The following FNDC3B variants were observed in gnomAD, a reference collection of about 807,000 sequenced individuals.
FNDC3B encodes fibronectin type III domain containing 3B, also known as fibronectin type III domain-containing protein 3B.
FNDC3B carries 12 observed loss-of-function variants against 151.5 expected under a neutral mutation model. That is an observed-to-expected ratio of 0.08 (90% confidence interval 0.05 to 0.13). FNDC3B has a LOEUF of 0.13. Among genes scored for constraint, FNDC3B ranks in the 10% least tolerant of loss-of-function variants. FNDC3B has a pLI of 1.00. For missense variants in FNDC3B, 1,214 were observed against 1,505.3 expected (o/e 0.81, Z 3.20); for synonymous variants, 528 against 549.0 (o/e 0.96, Z 0.54).
chr3:172,393,706 G>A (rs951069730), intron 25 of FNDC3B, among the ~76,000 whole-genome samples: 98 of 152,164 alleles, frequency 6.4e-4, no homozygotes, highest in Non-Finnish European at 2.9e-4. Flanking sequence ...GAAAATTCAC[G>A]AATACATGGA....
chr3:172,306,917 C>G (rs998262887), intron 9 of FNDC3B: 1 of 160,904 alleles, frequency 6.2e-6, no homozygotes, highest in African/African-American at 2.4e-5. Context: ...GGTATCTACC[C>G]TGTTTGTACT....
At chr3:172,247,850 TG>T in intron 5 of FNDC3B, 74 bp downstream of exon 5, 2 of 1,514,692 alleles carry the variant, frequency 1.3e-6, no homozygotes, top group South Asian at 1.2e-5. Context: ...GGCGGTCCTT[TG>T]TTTCTTGTGA....
At chr3:172,069,115 A>G (rs1461813810) in intron 1 of FNDC3B, among the ~76,000 whole-genome samples, 2 of 152,078 alleles carry the variant, frequency 1.3e-5, no homozygotes, top group Non-Finnish European at 2.9e-5. Context: ...AGCTTCTTGT[A>G]CTTCTGCTGC....
chr3:172,067,672 C>T (rs1560391667), intron 1 of FNDC3B, among the ~76,000 whole-genome samples: 2 of 151,110 alleles, frequency 1.3e-5, no homozygotes, highest in African/African-American at 2.4e-5. Context: ...ATCAGTGGAG[C>T]AAAATGTCAT....
At position 172,320,395 on chromosome 3, in the gene FNDC3B, A is replaced by G. The variant is rs144651080; in HGVS notation, c.1255-8557A>G. Among the ~76,000 whole-genome samples, 121 of 152,240 alleles carry G rather than the reference A, an allele frequency of 7.9e-4. 2 individuals carry two copies. Among genetic ancestry groups the G allele is most frequent in the Middle Eastern group, 3.4e-3 (1 of 294 alleles). On this transcript the variant is annotated intron_variant, in intron 11 of 25. Coordinates refer to ENST00000415807, the MANE Select transcript of FNDC3B (RefSeq NM_022763.4). ...ACTCTGACTCAAAAAAAACAAAAAA[A>G]TCTGAAAGAGAAGGAGGACAGTGGA...
At chr3:172,082,999 A>G (rs1368260563) in intron 1 of FNDC3B, among the ~76,000 whole-genome samples, 6 of 152,202 alleles carry the variant, frequency 3.9e-5, no homozygotes, top group African/African-American at 1.4e-4. Flanking sequence ...ATAAAGTACA[A>G]AGGAAACTAG....
chr3:172,306,193 A>T (rs1292853717), intron 9 of FNDC3B, among the ~76,000 whole-genome samples: 1 of 152,102 alleles, frequency 6.6e-6, no homozygotes, highest in Non-Finnish European at 1.5e-5. Flanking sequence ...TGTTATCTTT[A>T]CCTGTTGTTT....
At chr3:172,256,310 ATAT>A (rs1246770741) in intron 6 of FNDC3B, among the ~76,000 whole-genome samples, 1 of 152,136 alleles carries the variant, frequency 6.6e-6, no homozygotes, top group Non-Finnish European at 1.5e-5. Context: ...TCTCTCCAAC[ATAT>A]TATGATGGCA....
Position 172,307,456 on chromosome 3 carries a change from T to C in FNDC3B, c.1155T>C (p.Pro385=). 2 of 1,614,034 alleles carry C rather than the reference T, an allele frequency of 1.2e-6. No homozygotes were observed. Among genetic ancestry groups the C allele is most frequent in the Non-Finnish European group, 8.5e-7 (1 of 1,179,948 alleles). ...HSCAPECPFP[P]KLAHRSKSSL... is the part of the protein sequence containing the mutation. ...GTGCACCCGAGTGTCCTTTCCCCCC[T>C]AAGCTGGCACATAGGAGCAAAAGTT... is the stretch of plus-strand genomic sequence containing the variant. The change falls in exon 10 of 26, where the codon CCT becomes CCC. Residue 385 remains proline (P), a synonymous_variant. Coordinates refer to ENST00000415807, the MANE Select transcript of FNDC3B (RefSeq NM_022763.4).
intron 3 of FNDC3B, chr3:172,186,884 C>T (rs1724214871): frequency 3.6e-6 from 2 of 553,708 alleles, no homozygotes; most frequent in African/African-American, 3.9e-5. Flanking sequence ...ACAGTCAGTT[C>T]TGTGACTTGA....
chr3:172,117,510 A>G (rs947691452), intron 2 of FNDC3B, among the ~76,000 whole-genome samples: 3 of 152,226 alleles, frequency 2.0e-5, no homozygotes, highest in Non-Finnish European at 4.4e-5. Context: ...ATATTTTAAT[A>G]ATTTCTGAAG....
intron 1 of FNDC3B, among the ~76,000 whole-genome samples, chr3:172,064,779 A>G (rs772403660): frequency 8.5e-5 from 13 of 152,226 alleles, no homozygotes; most frequent in Non-Finnish European, 1.9e-4. Flanking sequence ...CTTCAAATTT[A>G]TATTTTTGGC....
intron 3 of FNDC3B, among the ~76,000 whole-genome samples, chr3:172,210,935 T>A (rs368122500): frequency 4.1e-4 from 63 of 152,304 alleles, no homozygotes; most frequent in African/African-American, 1.4e-3. Flanking sequence ...TCTTAGTGAG[T>A]TGAGATTTTG....
At chr3:172,353,188 C>A in intron 22 of FNDC3B, 105 bp downstream of exon 22, 1 of 1,117,792 alleles carries the variant, frequency 8.9e-7, no homozygotes, top group Non-Finnish European at 1.3e-6. Context: ...CCAGCTGTTT[C>A]TAAGAGCCCA....
chr3:172,288,963 TG>T, intron 7 of FNDC3B, among the ~76,000 whole-genome samples: 2 of 152,364 alleles, frequency 1.3e-5, no homozygotes, highest in East Asian at 3.9e-4. Context: ...CTCCTGCTTT[TG>T]CACATGACTA....
At chr3:172,054,657 C>T (rs1390762455) in intron 1 of FNDC3B, among the ~76,000 whole-genome samples, 1 of 152,196 alleles carries the variant, frequency 6.6e-6, no homozygotes, top group Non-Finnish European at 1.5e-5. Flanking sequence ...GTTAGAACCA[C>T]CTTCTCCTTT....
chr3:172,271,631 T>C (rs1729205598), intron 6 of FNDC3B, among the ~76,000 whole-genome samples: 1 of 152,216 alleles, frequency 6.6e-6, no homozygotes, highest in Non-Finnish European at 1.5e-5. Flanking sequence ...GACCTACTCA[T>C]TCCCACTTGG....
At chr3:172,041,590 G>A (rs939417958) in intron 1 of FNDC3B, among the ~76,000 whole-genome samples, 3 of 150,930 alleles carry the variant, frequency 2.0e-5, no homozygotes, top group South Asian at 2.1e-4. Flanking sequence ...AGACAGACCC[G>A]GAAGAAAAGG....
At chr3:172,220,184 T>TC (rs1726209347) in intron 3 of FNDC3B, among the ~76,000 whole-genome samples, 1 of 152,162 alleles carries the variant, frequency 6.6e-6, no homozygotes, top group South Asian at 2.1e-4. Flanking sequence ...TGTGTGTGTG[T>TC]GTCTTTTAAT....
Sources: gnomAD v4.1 joint callset for allele counts (sites outside exome capture counted in the v4.1 genomes callset) on GRCh38, gnomAD v4.1.1 for gene constraint, MANE v1.5 for transcripts, NCBI Gene and HGNC (gene_info 2026-07-23, HGNC 2026-07-21) for gene names.